Variants in BMPR1A observed in about 807,000 individuals in gnomAD.
BMPR1A encodes the protein bone morphogenetic protein receptor type-1A.
In BMPR1A, 7 loss-of-function variants were observed where a neutral mutation model predicts 66.0. That is an observed-to-expected ratio of 0.11 (90% confidence interval 0.06 to 0.20). BMPR1A has a LOEUF of 0.20. BMPR1A is among the 10% of genes least tolerant of loss of function. The pLI is 1.00. For missense variants in BMPR1A, 408 were observed against 669.1 expected, an observed-to-expected ratio of 0.61 and a Z score of 4.31; for synonymous variants, 200 against 229.7, an observed-to-expected ratio of 0.87 and a Z score of 1.17.
chr10:86,834,159 T>G (rs930112656), intron 1 of BMPR1A, among the ~76,000 whole-genome samples: 7 of 152,222 alleles, frequency 4.6e-5, no homozygotes, highest in African/African-American at 1.7e-4. Context: ...ATTAGGAATG[T>G]GTTACCAGAC....
chr10:86,771,876 C>T (rs1392021794), intron 1 of BMPR1A, among the ~76,000 whole-genome samples: 1 of 152,102 alleles, frequency 6.6e-6, no homozygotes, highest in Admixed American at 6.6e-5. Flanking sequence ...TAGATCCTCC[C>T]GCCTTGACCT....
chr10:86,788,191 T>C (rs970639895), intron 1 of BMPR1A, among the ~76,000 whole-genome samples: 2 of 152,116 alleles, frequency 1.3e-5, no homozygotes, highest in Non-Finnish European at 2.9e-5. Flanking sequence ...AGGCAAAATT[T>C]CTTAATGCTT....
In BMPR1A at chr10:86,814,878, T is replaced by A. The variant is rs139520872; in HGVS notation, c.-267-23987T>A. ...TCGGCTCTCTACAACCTCTGCCTCC[T>A]GAGTTCAGGCAATTCTTCTGCCTCA... On this transcript the variant is annotated intron_variant, in intron 1 of 12. Transcript: ENST00000372037. Among the ~76,000 whole-genome samples, 28 of 152,236 alleles carry A rather than the reference T, an allele frequency of 1.8e-4. No homozygotes were observed. In the East Asian group the frequency reaches 5.2e-3, roughly 28 times the overall value.
At chr10:86,799,449 A>G (rs1841774295) in intron 1 of BMPR1A, among the ~76,000 whole-genome samples, 2 of 147,356 alleles carry the variant, frequency 1.4e-5, no homozygotes, top group Admixed American at 6.6e-5. Flanking sequence ...GTAATTGTAC[A>G]TTTTCTTTCT....
At chr10:86,792,507 T>G (rs990024394) in intron 1 of BMPR1A, among the ~76,000 whole-genome samples, 2 of 152,228 alleles carry the variant, frequency 1.3e-5, no homozygotes, top group Non-Finnish European at 2.9e-5. Context: ...CATTTAAACA[T>G]CAGACAGGCT....
intron 2 of BMPR1A, among the ~76,000 whole-genome samples, chr10:86,865,079 ATCG>A (rs1183975145): frequency 1.4e-5 from 2 of 139,366 alleles, no homozygotes; most frequent in African/African-American, 6.3e-5. Flanking sequence ...AAGCCGAGCC[ATCG>A]TATCCCCTGT....
At chr10:86,809,477 C>G (rs936406975) in intron 1 of BMPR1A, among the ~76,000 whole-genome samples, 4 of 151,656 alleles carry the variant, frequency 2.6e-5, no homozygotes, top group Non-Finnish European at 5.9e-5. Flanking sequence ...TTTATTTTGC[C>G]GAGATGCGGT....
intron 1 of BMPR1A, among the ~76,000 whole-genome samples, chr10:86,769,956 C>G (rs530358480): frequency 6.6e-6 from 1 of 152,042 alleles, no homozygotes; most frequent in Non-Finnish European, 1.5e-5. Flanking sequence ...GCCTTCTTGC[C>G]AGGCAGGCTG....
chr10:86,871,915 GTTC>G lies in BMPR1A; in HGVS notation c.-152-3949_-152-3947del, dbSNP rs538511185. Among the ~76,000 whole-genome samples the G allele has an allele frequency of 2.5e-4, 38 of 152,278 alleles. No individual in the cohort carries two copies. The East Asian group carries it at 6.8e-3, about 27-fold the overall frequency. ...TGTACTCTGTGAGCAAAGTCCCTGG[GTTC>G]TTTTGGTTGTATCTCAAGTGGAGTG... On this transcript the variant is annotated intron_variant, in intron 2 of 12. Coordinates refer to ENST00000372037, the MANE Select transcript of BMPR1A (RefSeq NM_004329.3).
At chr10:86,809,925 C>T (rs573073250) in intron 1 of BMPR1A, among the ~76,000 whole-genome samples, 2 of 151,976 alleles carry the variant, frequency 1.3e-5, no homozygotes, top group East Asian at 3.9e-4. Context: ...AAGGCTCATC[C>T]ATATAGCACG....
chr10:86,903,130 A>G (rs915369690), intron 7 of BMPR1A, among the ~76,000 whole-genome samples: 4 of 152,212 alleles, frequency 2.6e-5, no homozygotes, highest in African/African-American at 7.2e-5. Flanking sequence ...GCATCCAACA[A>G]GGTAAAATTC....
rs182970149 is a variant in BMPR1A, at chr10:86,924,053, C to T, written c.*334C>T. On this transcript the variant is annotated 3_prime_UTR_variant, in exon 13 of 13. Transcript: ENST00000372037. Reference sequence around the variant, plus strand: ...GGTACTGAATTGCCTGTTCATAAAACGGTGCTTTCTGTGAAAGCCTTAAGA... The same window carrying T: ...GGTACTGAATTGCCTGTTCATAAAATGGTGCTTTCTGTGAAAGCCTTAAGA... 1.0e-3 allele frequency: 428 copies of T among 416,184 alleles called. 1 individual carries two copies. The highest frequency in any genetic ancestry group is 7.6e-3 in the African/African-American group (386 of 50,706). The allele number at this position is 416,184 out of a possible 1,614,324, so 25.8% of individuals were successfully genotyped here. A position where few individuals can be genotyped will look rare whatever the true frequency, so the allele number is the denominator to read the frequency against.
intron 1 of BMPR1A, among the ~76,000 whole-genome samples, chr10:86,759,760 A>G (rs1246610647): frequency 1.3e-5 from 2 of 152,080 alleles, no homozygotes; most frequent in African/African-American, 4.8e-5. Flanking sequence ...CTGTTCCTTG[A>G]AAGTTTGGAA....
At chr10:86,821,864 C>T (rs1032525852) in intron 1 of BMPR1A, among the ~76,000 whole-genome samples, 1 of 151,946 alleles carries the variant, frequency 6.6e-6, no homozygotes, top group Non-Finnish European at 1.5e-5. Flanking sequence ...AGTGCAGTGA[C>T]ACAATCATGG....
intron 8 of BMPR1A, among the ~76,000 whole-genome samples, chr10:86,916,825 T>C (rs1172268384): frequency 6.6e-6 from 1 of 152,040 alleles, no homozygotes; most frequent in East Asian, 1.9e-4. Flanking sequence ...ACCCCATCTC[T>C]ACTAAAAATA....
intron 2 of BMPR1A, among the ~76,000 whole-genome samples, chr10:86,869,450 C>G (rs1037292838): frequency 8.4e-6 from 1 of 119,708 alleles, no homozygotes; most frequent in African/African-American, 3.7e-5. Context: ...GAGCAAGACT[C>G]TGTCTCAAAA....
chr10:86,852,374 C>T (rs764355850), intron 2 of BMPR1A, among the ~76,000 whole-genome samples: 1 of 151,912 alleles, frequency 6.6e-6, no homozygotes, highest in African/African-American at 2.4e-5. Flanking sequence ...AAAATAACAG[C>T]CTGAGCAAAA....
chr10:86,873,097 GGT>G (rs1397556526), intron 2 of BMPR1A, among the ~76,000 whole-genome samples: 1 of 152,088 alleles, frequency 6.6e-6, no homozygotes, highest in Non-Finnish European at 1.5e-5. Flanking sequence ...AGCTCTGCAG[GGT>G]GCCTTGGTTG....
rs545358406 is a variant in BMPR1A at position 86,864,126 on chromosome 10, C to T, written c.-152-11741C>T. Among the ~76,000 whole-genome samples, 3 of 152,306 alleles carry T rather than the reference C, an allele frequency of 2.0e-5. No homozygotes were observed. In the East Asian group the frequency reaches 5.8e-4, roughly 29 times the overall value. On this transcript the variant is annotated intron_variant, in intron 2 of 12. Transcript: ENST00000372037. Reference sequence around the variant, plus strand: ...CACTCCTTCTCACCTTTTTACTTTACATCTCCAGTTTTGCCTCGCACAAGG... The same window carrying T: ...CACTCCTTCTCACCTTTTTACTTTATATCTCCAGTTTTGCCTCGCACAAGG...
Sources: gnomAD v4.1 joint callset for allele counts (sites outside exome capture counted in the v4.1 genomes callset) on GRCh38, gnomAD v4.1.1 for gene constraint, MANE v1.5 for transcripts, NCBI Gene and HGNC (gene_info 2026-07-23, HGNC 2026-07-21) for gene names.